The following KYNU variants were observed in gnomAD, a reference collection of about 807,000 sequenced individuals.
The protein encoded by KYNU is L-kynurenine hydrolase.
Under a neutral mutation model 59.2 loss-of-function variants are expected in KYNU, and 54 were observed. The observed-to-expected ratio is 0.91, with a 90% CI of 0.73 to 1.14. The LOEUF (loss-of-function observed/expected upper bound fraction) is 1.14. Among genes scored for constraint, KYNU ranks in the 50% most tolerant of loss-of-function variants. KYNU has a pLI of 0.00. For missense variants in KYNU, 567 were observed against 554.4 expected (o/e 1.02, Z -0.23); for synonymous variants, 177 against 192.0 (o/e 0.92, Z 0.65).
intron 8 of KYNU, among the ~76,000 whole-genome samples, chr2:142,977,139 T>A (rs1049812894): frequency 6.6e-6 from 1 of 152,028 alleles, no homozygotes; most frequent in Non-Finnish European, 1.5e-5. Flanking sequence ...CATCCCCTCT[T>A]CCATCATGGC....
rs139058520 is a variant in KYNU, at chr2:142,951,399, C to CA, written c.374-3405dup. 7.9e-3 allele frequency among the ~76,000 whole-genome samples: 1,208 copies of CA among 152,188 alleles called. 12 individuals carry two copies. The highest frequency in any genetic ancestry group is 0.028 in the African/African-American group (1,165 of 41,508). On this transcript the variant is annotated intron_variant, in intron 4 of 13. Transcript: ENST00000264170. ...TAAAACCCTGTCTCTACCAAAAATA[C>CA]AAAAAATTAGCTGGATGTCATGTAA...
At chr2:142,989,465 T>C (rs759023418) in intron 10 of KYNU, 1 of 984,804 alleles carries the variant, frequency 1.0e-6, no homozygotes, top group Non-Finnish European at 1.2e-6. Flanking sequence ...CTTTGTGAAG[T>C]AGTCTTTGTT....
intron 2 of KYNU, among the ~76,000 whole-genome samples, chr2:142,916,980 G>T (rs1344955995): frequency 3.3e-5 from 5 of 152,138 alleles, no homozygotes; most frequent in Admixed American, 6.5e-5. Context: ...TGCAAAAAAT[G>T]TATGCCCTAA....
chr2:142,894,126 C>T (rs1681796168), intron 2 of KYNU, among the ~76,000 whole-genome samples: 1 of 152,194 alleles, frequency 6.6e-6, no homozygotes, highest in Admixed American at 6.5e-5. Flanking sequence ...CGAAGTGTCT[C>T]TCCCTCAGAT....
chr2:142,897,081 T>C (rs900615171), intron 2 of KYNU, among the ~76,000 whole-genome samples: 2 of 152,246 alleles, frequency 1.3e-5, no homozygotes, highest in African/African-American at 2.4e-5. Flanking sequence ...CCCAGTTTTC[T>C]TTTTATTACT....
In KYNU at chr2:142,943,870, C is replaced by T. The variant is rs74528676; in HGVS notation, c.374-10940C>T. Among the ~76,000 whole-genome samples, 695 of 152,306 alleles carry T rather than the reference C, an allele frequency of 4.6e-3. 5 individuals are homozygous for T. The highest frequency in any genetic ancestry group is 0.016 in the African/African-American group (667 of 41,564). ...GGACTTAGCCTAATTACAAACCTTACAGCCAAATCCACAATAACATTTGCA... is the reference window on the plus strand; with the variant it reads ...GGACTTAGCCTAATTACAAACCTTATAGCCAAATCCACAATAACATTTGCA... On this transcript the variant is annotated intron_variant, in intron 4 of 13. Transcript: ENST00000264170.
intron 4 of KYNU, among the ~76,000 whole-genome samples, chr2:142,930,651 CT>C (rs1184229052): frequency 6.6e-6 from 1 of 152,122 alleles, no homozygotes; most frequent in Non-Finnish European, 1.5e-5. Flanking sequence ...TCTGGTGTCT[CT>C]CACACGTCTT....
rs1040072145 is a variant in KYNU, at chr2:142,963,248, G to GA, written c.729+2487dup. ...GGCCTTATAACCATCACCCCATCAA[G>GA]AAAAAAAAAGTATTTCCAATACTCA... On this transcript the variant is annotated intron_variant, in intron 8 of 13. Coordinates refer to ENST00000264170, the MANE Select transcript of KYNU (RefSeq NM_003937.3). 3.1e-4 allele frequency among the ~76,000 whole-genome samples: 47 copies of GA among 151,118 alleles called. 2 individuals carry two copies. The highest frequency in any genetic ancestry group is 2.9e-3 in the East Asian group (15 of 5,154).
chr2:142,985,230 T>C, intron 9 of KYNU, 48 bp downstream of exon 9: 3 of 1,158,968 alleles, frequency 2.6e-6, no homozygotes, highest in Non-Finnish European at 3.9e-6. Flanking sequence ...ACATTGACTT[T>C]AATCTGAAGG....
chr2:143,017,737 C>A (rs1422624300), intron 10 of KYNU, among the ~76,000 whole-genome samples: 1 of 151,992 alleles, frequency 6.6e-6, no homozygotes, highest in Non-Finnish European at 1.5e-5. Flanking sequence ...AATGCCCGGC[C>A]ATTTTTTTAA....
intron 8 of KYNU, among the ~76,000 whole-genome samples, chr2:142,962,916 A>G (rs542254717): frequency 6.6e-6 from 1 of 152,338 alleles, no homozygotes; most frequent in East Asian, 1.9e-4. Flanking sequence ...AGAGAGGCAG[A>G]GAAGAAATTA....
At chr2:142,972,890 C>T (rs1407427422) in intron 8 of KYNU, among the ~76,000 whole-genome samples, 2 of 148,078 alleles carry the variant, frequency 1.4e-5, no homozygotes, top group East Asian at 4.1e-4. Context: ...ATGAATTTGC[C>T]ATACATAGCC....
rs1684311105 is a variant in KYNU, at chr2:142,960,635, C to T, written c.594C>T (p.Thr198=). The T allele has an allele frequency of 6.2e-7, 1 of 1,613,476 alleles. No homozygotes were observed. The highest frequency in any genetic ancestry group is 8.5e-7 in the Non-Finnish European group (1 of 1,179,618). The change falls in exon 8 of 14, where the codon ACC becomes ACT. Residue 198 remains threonine (T), a synonymous_variant. Transcript: ENST00000264170. ...CTAACTTGATTTAGGGGGAAGAAAC[C>T]TTAAGAATAGAGGATATCCTTGAAG... ...RMIKPREGEE[T]LRIEDILEVI...
At position 143,045,426 on chromosome 2, in the gene KYNU, A is replaced by G. The variant is rs1687150457; in HGVS notation, c.*3254A>G. The G allele has an allele frequency of 6.6e-6, 1 of 152,124 alleles. No homozygotes were observed. Among genetic ancestry groups the G allele is most frequent in the Admixed American group, 6.6e-5 (1 of 15,264 alleles). 9.4% of individuals were successfully genotyped at this position (152,124 alleles called of 1,614,324 possible). A position where few individuals can be genotyped will look rare whatever the true frequency, so the allele number is the denominator to read the frequency against. On this transcript the variant is annotated 3_prime_UTR_variant, in exon 14 of 14. Coordinates refer to ENST00000264170, the MANE Select transcript of KYNU (RefSeq NM_003937.3). ...GAATCTATAAATTACTCTCAGCAATATGGCCATTTTCAGGATATTGATTCT... is the reference window on the plus strand; with the variant it reads ...GAATCTATAAATTACTCTCAGCAATGTGGCCATTTTCAGGATATTGATTCT...
intron 4 of KYNU, among the ~76,000 whole-genome samples, chr2:142,934,703 A>G (rs1683328370): frequency 6.6e-6 from 1 of 152,202 alleles, no homozygotes; most frequent in Admixed American, 6.5e-5. Context: ...GGCTCGGATG[A>G]AGAGATGGTA....
At chr2:142,989,442 T>C in intron 10 of KYNU, 1 of 983,870 alleles carries the variant, frequency 1.0e-6, no homozygotes, top group Non-Finnish European at 1.2e-6. Context: ...ATGTAACTGC[T>C]ATTGATGTCA....
chr2:142,916,864 G>A (rs1682683176), intron 2 of KYNU, among the ~76,000 whole-genome samples: 1 of 152,166 alleles, frequency 6.6e-6, no homozygotes, highest in Non-Finnish European at 1.5e-5. Flanking sequence ...CAGGACATGT[G>A]TTAATCAAGC....
intron 6 of KYNU, among the ~76,000 whole-genome samples, chr2:142,957,121 C>T (rs1336950956): frequency 1.3e-5 from 2 of 152,084 alleles, no homozygotes; most frequent in East Asian, 3.8e-4. Flanking sequence ...GTAATTATGT[C>T]AAATGGAATA....
intron 1 of KYNU, among the ~76,000 whole-genome samples, chr2:142,878,231 A>G (rs1220430191): frequency 6.6e-6 from 1 of 152,214 alleles, no homozygotes; most frequent in Admixed American, 6.5e-5. Flanking sequence ...AAACCTAAGA[A>G]AAGAAAGTTG....
Sources: gnomAD v4.1 joint callset for allele counts (sites outside exome capture counted in the v4.1 genomes callset) on GRCh38, gnomAD v4.1.1 for gene constraint, MANE v1.5 for transcripts, NCBI Gene and HGNC (gene_info 2026-07-23, HGNC 2026-07-21) for gene names.